The following PCDH15 variants were observed in gnomAD, a reference collection of about 807,000 sequenced individuals.
The protein encoded by PCDH15 is protocadherin-15.
In PCDH15, 129 loss-of-function variants were observed where a neutral mutation model predicts 178.5. The observed-to-expected ratio is 0.72, with a 90% CI of 0.63 to 0.84. The LOEUF is 0.84. Among genes scored for constraint, PCDH15 ranks in the 40% least tolerant of loss-of-function variants. The pLI is 0.00. For synonymous variants in PCDH15, 800 were observed against 732.0 expected, an observed-to-expected ratio of 1.09 and a Z score of -1.50; for missense variants, 2,230 against 2,099.9, an observed-to-expected ratio of 1.06 and a Z score of -1.21.
chr10:54,813,472 T>A (rs1000720323), intron 3 of PCDH15, among the ~76,000 whole-genome samples: 1 of 152,206 alleles, frequency 6.6e-6, no homozygotes, highest in African/African-American at 2.4e-5. Flanking sequence ...GATACCCCCA[T>A]CTATGCAGTT....
rs565592708 is a variant in PCDH15 at position 54,060,452 on chromosome 10, T to C, written c.2220+6305A>G. Among the ~76,000 whole-genome samples, 2 of 152,292 alleles carry C rather than the reference T, an allele frequency of 1.3e-5. 1 individual carries two copies. The highest frequency in any genetic ancestry group is 4.1e-4 in the South Asian group (2 of 4,828). On this transcript the variant is annotated intron_variant, in intron 18 of 37. Transcript: ENST00000644397. ...TTTCTATAATATACGTAGCCATACT[T>C]TATAAATTATTTAGTATTTAACATA...
intron 2 of PCDH15, among the ~76,000 whole-genome samples, chr10:55,405,283 GA>G (rs1838169606): frequency 9.3e-6 from 1 of 108,086 alleles, no homozygotes; most frequent in Non-Finnish European, 2.0e-5. Flanking sequence ...TGAGGTAACA[GA>G]TATATATATA....
intron 1 of PCDH15, among the ~76,000 whole-genome samples, chr10:54,773,263 T>A (rs1413288468): frequency 6.7e-6 from 1 of 149,884 alleles, no homozygotes; most frequent in Non-Finnish European, 1.5e-5. Flanking sequence ...AGCTGAAGAC[T>A]TTTTTTTTTC....
chr10:55,054,709 T>TG, intron 2 of PCDH15, among the ~76,000 whole-genome samples: 1 of 152,344 alleles, frequency 6.6e-6, no homozygotes, highest in South Asian at 2.1e-4. Flanking sequence ...ATAGCCATTC[T>TG]GACTGGTGTT....
intron 3 of PCDH15, among the ~76,000 whole-genome samples, chr10:54,810,317 C>T (rs188515849): frequency 6.6e-6 from 1 of 152,120 alleles, no homozygotes; most frequent in Admixed American, 6.5e-5. Flanking sequence ...AAGAACAATT[C>T]CACCTACCAT....
rs1951679847 is a variant in PCDH15, at chr10:54,399,547, G to A, written c.158-20605C>T. On this transcript the variant is annotated intron_variant, in intron 3 of 37. Transcript: ENST00000644397. ...CTGACTTTCACTTGACAATTTTAAA[G>A]GGTGAAAGTCTAAATGAAGAACTTT... Among the ~76,000 whole-genome samples, 4 of 152,058 alleles carry A rather than the reference G, an allele frequency of 2.6e-5. No homozygotes were observed. The South Asian group carries it at 8.3e-4, about 32-fold the overall frequency.
chr10:54,955,776 T>C (rs1838470115), intron 2 of PCDH15, among the ~76,000 whole-genome samples: 2 of 151,282 alleles, frequency 1.3e-5, no homozygotes, highest in African/African-American at 4.8e-5. Context: ...GTTACCCATA[T>C]TTGACACTTG....
At chr10:54,536,582 ATTCC>A (rs2084552401) in intron 2 of PCDH15, among the ~76,000 whole-genome samples, 1 of 152,186 alleles carries the variant, frequency 6.6e-6, no homozygotes, top group Non-Finnish European at 1.5e-5. Context: ...GATATGATTG[ATTCC>A]ATCATCAGGT....
At chr10:54,274,146 G>T (rs2058209335) in intron 8 of PCDH15, among the ~76,000 whole-genome samples, 1 of 151,908 alleles carries the variant, frequency 6.6e-6, no homozygotes, top group African/African-American at 2.4e-5. Flanking sequence ...GGAGGGTGGA[G>T]AGTTGGAGGA....
intron 26 of PCDH15, among the ~76,000 whole-genome samples, chr10:53,894,005 G>C (rs2081771991): frequency 6.6e-6 from 1 of 152,076 alleles, no homozygotes; most frequent in Admixed American, 6.6e-5. Context: ...GGGTAAACTT[G>C]TGTCAGGGGG....
chr10:55,221,801 G>T (rs1176884343), intron 1 of PCDH15, among the ~76,000 whole-genome samples: 1 of 151,806 alleles, frequency 6.6e-6, no homozygotes, highest in Admixed American at 6.6e-5. Flanking sequence ...TAGAAATCAA[G>T]AAATCTAGAC....
intron 2 of PCDH15, among the ~76,000 whole-genome samples, chr10:55,056,999 A>C (rs1219083268): frequency 6.6e-6 from 1 of 152,150 alleles, no homozygotes; most frequent in Non-Finnish European, 1.5e-5. Context: ...TCAGCATAGC[A>C]TCCCCTATAT....
At chr10:54,530,579 T>C (rs1457704467) in intron 2 of PCDH15, among the ~76,000 whole-genome samples, 1 of 152,148 alleles carries the variant, frequency 6.6e-6, no homozygotes, top group East Asian at 1.9e-4. Flanking sequence ...AATCTTCCAT[T>C]AAAACCTCTC....
intron 2 of PCDH15, among the ~76,000 whole-genome samples, chr10:55,371,842 G>GA (rs1318487002): frequency 6.6e-6 from 1 of 151,972 alleles, no homozygotes; most frequent in African/African-American, 2.4e-5. Flanking sequence ...CAAATAAATG[G>GA]AAAAAAATTT....
At chr10:55,165,492 C>T (rs183291992) in intron 2 of PCDH15, among the ~76,000 whole-genome samples, 15 of 151,824 alleles carry the variant, frequency 9.9e-5, no homozygotes, top group African/African-American at 3.6e-4. Context: ...TTTATAAAAA[C>T]TCCACAAATC....
At chr10:54,178,709 T>A (rs796483064) in intron 13 of PCDH15, among the ~76,000 whole-genome samples, 10 of 138,298 alleles carry the variant, frequency 7.2e-5, no homozygotes, top group Admixed American at 2.1e-4. Flanking sequence ...TACAATGAAC[T>A]CAAACAAATT....
intron 1 of PCDH15, among the ~76,000 whole-genome samples, chr10:55,176,525 C>A (rs1231078593): frequency 6.6e-6 from 1 of 152,112 alleles, no homozygotes; most frequent in Admixed American, 6.6e-5. Context: ...ATCCCAAAAA[C>A]CAGAAGCCAG....
intron 8 of PCDH15, among the ~76,000 whole-genome samples, chr10:54,259,620 T>C (rs2057167946): frequency 6.6e-6 from 1 of 152,084 alleles, no homozygotes; most frequent in Non-Finnish European, 1.5e-5. Context: ...TATGGCTCTA[T>C]CTGTTAATGT....
At chr10:54,274,476 G>GA (rs2058232894) in intron 8 of PCDH15, among the ~76,000 whole-genome samples, 5 of 151,964 alleles carry the variant, frequency 3.3e-5, no homozygotes, top group African/African-American at 1.2e-4. Flanking sequence ...TCAAGGTAAG[G>GA]ACTGTTGTTT....
Sources: gnomAD v4.1 joint callset for allele counts (sites outside exome capture counted in the v4.1 genomes callset) on GRCh38, gnomAD v4.1.1 for gene constraint, MANE v1.5 for transcripts, NCBI Gene and HGNC (gene_info 2026-07-23, HGNC 2026-07-21) for gene names.